The following KCNQ4 variants were observed in gnomAD, a reference collection of about 807,000 sequenced individuals.
KCNQ4 encodes the protein potassium voltage-gated channel subfamily KQT member 4.
Under a neutral mutation model 72.6 loss-of-function variants are expected in KCNQ4, and 31 were observed. The observed-to-expected ratio is 0.43, with a 90% confidence interval of 0.32 to 0.58. KCNQ4 has a LOEUF of 0.58. Ranked by LOEUF, KCNQ4 falls within the 20% of genes least tolerant of loss-of-function variation. KCNQ4 has a pLI of 0.08. For synonymous variants in KCNQ4, 405 were observed against 403.7 expected (o/e 1.00, Z -0.04); for missense variants, 869 against 962.6 (o/e 0.90, Z 1.29).
chr1:40,835,869 T>G (rs922484246), intron 12 of KCNQ4, among the ~76,000 whole-genome samples: 1 of 151,676 alleles, frequency 6.6e-6, no homozygotes, highest in Non-Finnish European at 1.5e-5. Context: ...GTGGCTGGAG[T>G]GTTGGCTTCA....
At chr1:40,786,239 G>C (rs181004276) in intron 1 of KCNQ4, among the ~76,000 whole-genome samples, 144 of 152,270 alleles carry the variant, frequency 9.5e-4, no homozygotes, top group African/African-American at 3.3e-3. Flanking sequence ...GGCATGGCAG[G>C]GCCTGGGGAA....
Position 40,825,440 on chromosome 1 carries a change from G to GT in KCNQ4, c.1292+1185dup, listed in dbSNP as rs552657223. ...TGATTGGGGCTCTGGGTACTCTAGA[G>GT]TTTCTGGGCTGAAAAGGCCTAGGGA... On this transcript the variant is annotated intron_variant, in intron 9 of 13. Coordinates refer to ENST00000347132, the MANE Select transcript of KCNQ4 (RefSeq NM_004700.4). Among the ~76,000 whole-genome samples the GT allele has an allele frequency of 1.6e-3, 248 of 152,292 alleles. 1 individual carries two copies. Among genetic ancestry groups the GT allele is most frequent in the Non-Finnish European group, 2.0e-3 (133 of 68,012 alleles).
chr1:40,810,003 T>C (rs959787912), intron 1 of KCNQ4, among the ~76,000 whole-genome samples: 1 of 151,594 alleles, frequency 6.6e-6, no homozygotes, highest in African/African-American at 2.4e-5. Context: ...AGGCGGAGGT[T>C]GCAGTGAGCC....
chr1:40,826,419 A>G (rs577113972), intron 9 of KCNQ4, among the ~76,000 whole-genome samples: 10 of 152,338 alleles, frequency 6.6e-5, no homozygotes, highest in Admixed American at 2.6e-4. Flanking sequence ...TCTGGAGAAG[A>G]GACACAGCCT....
At chr1:40,830,768 CTG>C (rs1478042188) in intron 9 of KCNQ4, among the ~76,000 whole-genome samples, 1 of 152,090 alleles carries the variant, frequency 6.6e-6, no homozygotes, top group East Asian at 1.9e-4. Context: ...ATCCTCCTGT[CTG>C]TGTCTCTGAC....
In KCNQ4 at chr1:40,831,315, G is replaced by T; in HGVS notation, c.1513+11G>T. The T allele has an allele frequency of 1.3e-6, 2 of 1,578,144 alleles. No individual in the cohort carries two copies. Among genetic ancestry groups the T allele is most frequent in the East Asian group, 2.3e-5 (1 of 43,356 alleles). ...GCACCTCTGCTGAGGGTAAGCCCCC[G>T]GGGGGCTGAGTCCGATCGAGGGCCG... On this transcript the variant is annotated intron_variant, in intron 10 of 13. Coordinates refer to ENST00000347132, the MANE Select transcript of KCNQ4 (RefSeq NM_004700.4).
At chr1:40,819,569 C>G (rs1648219382) in intron 5 of KCNQ4, 97 bp downstream of exon 5, 3 of 1,515,560 alleles carry the variant, frequency 2.0e-6, no homozygotes, top group Middle Eastern at 1.7e-4. Context: ...CAGGGTTGAG[C>G]GGGCCTGCCC....
chr1:40,785,552 G>A (rs1647194495), intron 1 of KCNQ4, among the ~76,000 whole-genome samples: 1 of 152,112 alleles, frequency 6.6e-6, no homozygotes, highest in Non-Finnish European at 1.5e-5. Flanking sequence ...CCACCTGTGT[G>A]CGAGTTGGCC....
At chr1:40,801,676 C>G (rs1199543685) in intron 1 of KCNQ4, among the ~76,000 whole-genome samples, 1 of 152,206 alleles carries the variant, frequency 6.6e-6, no homozygotes, top group East Asian at 1.9e-4. Flanking sequence ...TGCCTGGGAA[C>G]AGGGACTCTT....
chr1:40,796,213 C>T (rs973521258), intron 1 of KCNQ4, among the ~76,000 whole-genome samples: 3 of 152,062 alleles, frequency 2.0e-5, no homozygotes, highest in Non-Finnish European at 2.9e-5. Flanking sequence ...GGGTTGGGGT[C>T]GGAAGGCAAG....
rs1648232520 is a variant in KCNQ4 at position 40,819,889 on chromosome 1, C to G, written c.849C>G (p.Thr283=). ...TGTGTCTCCAGATTACATTGACAAC[C>G]ATCGGCTATGGTGACAAGACACCGC... The part of the protein sequence containing the change: ...SLWWGTITLT[T]IGYGDKTPHT... Residue 283 remains threonine, a synonymous_variant, in exon 6 of 14, where the codon ACC becomes ACG. Coordinates refer to ENST00000347132, the MANE Select transcript of KCNQ4 (RefSeq NM_004700.4). 1.9e-6 allele frequency: 3 copies of G among 1,613,778 alleles called. No individual in the cohort carries two copies. Among genetic ancestry groups the G allele is most frequent in the Non-Finnish European group, 2.5e-6 (3 of 1,179,752 alleles).
Position 40,835,150 on chromosome 1 carries a change from G to T in KCNQ4, c.1745+52G>T, listed in dbSNP as rs780280016. On this transcript the variant is annotated intron_variant, in intron 12 of 13. Coordinates refer to ENST00000347132, the MANE Select transcript of KCNQ4 (RefSeq NM_004700.4). ...CAGGGGCAGGGAGGCAGCGACCCCA[G>T]CCCTGAATGAAGTCTGAGGCCAACC... is the stretch of plus-strand genomic sequence containing the variant. 10 of 1,595,168 alleles carry T rather than the reference G, an allele frequency of 6.3e-6. No individual in the cohort carries two copies. In the South Asian group the frequency reaches 1.0e-4, roughly 16 times the overall value.
chr1:40,810,619 C>T (rs1647907330), intron 1 of KCNQ4, among the ~76,000 whole-genome samples: 2 of 152,144 alleles, frequency 1.3e-5, no homozygotes, highest in Admixed American at 1.3e-4. Context: ...GCTGTCCCTC[C>T]AGGGACATGT....
chr1:40,812,552 G>A (rs729519), intron 1 of KCNQ4, among the ~76,000 whole-genome samples: 14,951 of 152,172 alleles, frequency 0.098, 827 homozygotes, highest in South Asian at 0.2. Context: ...ATGAGCCACC[G>A]CGCCTCGTCC....
In KCNQ4 at chr1:40,784,193, G is replaced by T; in HGVS notation, c.100G>T (p.Gly34Cys). 9.0e-7 allele frequency: 1 copy of T among 1,116,904 alleles called. No individual in the cohort carries two copies. Among genetic ancestry groups the T allele is most frequent in the Non-Finnish European group, 1.1e-6 (1 of 917,682 alleles). The allele number at this position is 1,116,904 out of a possible 1,614,324, so 69.2% of individuals were successfully genotyped here. The change falls in exon 1 of 14, where the codon GGC becomes TGC. Residue 34 changes from glycine (G) to cysteine (C), a missense_variant. Coordinates refer to ENST00000347132, the MANE Select transcript of KCNQ4 (RefSeq NM_004700.4). This position sits in a 1 kb window ranked among gnomAD's most constrained non-coding sequence, Gnocchi z 4.1. ...GCTCACGGCCGTGCAGAGCGAACAG[G>T]GCGAGGCGGGCGGGGGCGGCTCCCC... ...VALTAVQSEQGEAGGGGSPRR... is the reference protein window; with the variant it reads ...VALTAVQSEQCEAGGGGSPRR...
chr1:40,791,532 T>C (rs892529090), intron 1 of KCNQ4, among the ~76,000 whole-genome samples: 1 of 152,090 alleles, frequency 6.6e-6, no homozygotes, highest in Admixed American at 6.5e-5. Context: ...CTGCGTGCCC[T>C]GGGGATGAGG....
At chr1:40,790,393 G>A (rs1345844952) in intron 1 of KCNQ4, among the ~76,000 whole-genome samples, 4 of 152,154 alleles carry the variant, frequency 2.6e-5, no homozygotes, top group African/African-American at 4.8e-5. Context: ...GGTGTGCTGG[G>A]CTCAGCAAGG....
intron 8 of KCNQ4, among the ~76,000 whole-genome samples, chr1:40,823,867 C>T (rs887798973): frequency 6.6e-6 from 1 of 152,254 alleles, no homozygotes; most frequent in Admixed American, 6.5e-5. Context: ...TGCCCTTGAG[C>T]TGTGCCAGCC....
chr1:40,826,789 A>T (rs1304620418), intron 9 of KCNQ4: 1 of 392,352 alleles, frequency 2.5e-6, no homozygotes, highest in Admixed American at 2.8e-5. Context: ...GACAAGGTGC[A>T]TGTGCCTGCC....
Sources: allele counts gnomAD v4.1 joint callset (sites outside exome capture counted in the v4.1 genomes callset), GRCh38; gene constraint gnomAD v4.1.1; non-coding constraint Gnocchi (gnomAD v3.1); transcripts MANE v1.5; gene names NCBI Gene and HGNC (gene_info 2026-07-23, HGNC 2026-07-21).